Variants in ARHGEF11 observed in about 807,000 individuals in gnomAD.
ARHGEF11 encodes the protein Rho guanine exchange factor (GEF) 11.
In ARHGEF11, 55 loss-of-function variants were observed where a neutral mutation model predicts 193.7. The ratio of observed to expected loss-of-function variants is 0.28; its 90% CI spans 0.23 to 0.36. The LOEUF (loss-of-function observed/expected upper bound fraction) is 0.36. ARHGEF11 is among the 10% of genes least tolerant of loss of function. ARHGEF11 has a pLI of 1.00. For synonymous variants in ARHGEF11, 693 were observed against 768.0 expected, an observed-to-expected ratio of 0.90 and a Z score of 1.62; for missense variants, 1,723 against 2,005.6, an observed-to-expected ratio of 0.86 and a Z score of 2.69.
intron 1 of ARHGEF11, among the ~76,000 whole-genome samples, chr1:157,017,706 CAA>C (rs1047573559): frequency 0.013 from 548 of 41,456 alleles, 1 homozygote; most frequent in African/African-American, 0.042. Context: ...GACTCCGTCT[CAA>C]AAAAAAAAAA....
intron 1 of ARHGEF11, 150 bp from the exon 2 acceptor site, chr1:156,986,323 C>T: frequency 3.3e-6 from 2 of 599,598 alleles, no homozygotes; most frequent in Non-Finnish European, 5.9e-6. Flanking sequence ...AGGACATTAG[C>T]CATGTGTACA....
At chr1:156,988,879 A>C (rs1665312552) in intron 1 of ARHGEF11, among the ~76,000 whole-genome samples, 2 of 152,182 alleles carry the variant, frequency 1.3e-5, no homozygotes, top group Non-Finnish European at 2.9e-5. Context: ...TATGGAAGGC[A>C]GGCCTGGTGG....
Position 156,939,534 on chromosome 1 carries a change from C to G in ARHGEF11, c.4096+14G>C, listed in dbSNP as rs532507970. On this transcript the variant is annotated intron_variant, in intron 37 of 40. Coordinates refer to ENST00000368194, the MANE Select transcript of ARHGEF11 (RefSeq NM_198236.3). ...GGTGCTTGTCTCCCCACTGGACACT[C>G]CCATTTATTTTACCTTTTCTCACAA... 2 of 1,608,124 alleles carry G rather than the reference C, an allele frequency of 1.2e-6. No individual in the cohort carries two copies. The highest frequency in any genetic ancestry group is 3.3e-5 in the Admixed American group (2 of 60,018).
intron 1 of ARHGEF11, among the ~76,000 whole-genome samples, chr1:156,989,830 T>C (rs1004931558): frequency 6.6e-6 from 1 of 152,240 alleles, no homozygotes. Context: ...TTCATTTAGA[T>C]TCAGCAACTA....
In ARHGEF11 at chr1:156,940,351, C is replaced by T; in HGVS notation, c.3589G>A (p.Glu1197Lys). 6.2e-7 allele frequency: 1 copy of T among 1,613,844 alleles called. No homozygotes were observed. Residue 1197 changes from glutamate (E) to lysine (K), a missense_variant, in exon 36 of 41, where the codon GAG (glutamate) becomes AAG (lysine). By Grantham distance (56) the Glu-to-Lys change is moderately conservative (BLOSUM62 1). This residue lies in a region of ARHGEF11 where 203 missense variants were observed against 237.3 expected (regional missense o/e 0.86). Transcript: ENST00000368194. ...LEDPEQEGSA[E>K]EEELGVLPCP... ...GGCAGGACACCCAGTTCCTCTTCCT[C>T]TGCACTGCCCTCCTGCTCAGGGTCC...
chr1:157,035,725 C>T (rs2103041755), intron 1 of ARHGEF11, among the ~76,000 whole-genome samples: 1 of 149,158 alleles, frequency 6.7e-6, no homozygotes, highest in African/African-American at 2.5e-5. Context: ...ACATAGATGG[C>T]CCTCCAGCCC....
At chr1:157,006,002 G>T (rs1442949038) in intron 1 of ARHGEF11, among the ~76,000 whole-genome samples, 1 of 152,190 alleles carries the variant, frequency 6.6e-6, no homozygotes, top group Non-Finnish European at 1.5e-5. Flanking sequence ...ACATGTTTTT[G>T]CATGGGCATG....
chr1:156,937,386 C>T lies in ARHGEF11; in HGVS notation c.4303G>A (p.Glu1435Lys). ...QPDSLPAGQT[E>K]PQPQLQGGND... is the part of the protein sequence containing the mutation. ...CCTCCCTGCAGCTGAGGCTGAGGCT[C>T]TGTCTGCCCTGCAGGGAGGCTGTCA... The change falls in exon 39 of 41, where the codon GAG becomes AAG. Residue 1435 changes from glutamate (E) to lysine (K), a missense_variant. Physicochemically the swap from Glu to Lys is moderately conservative, Grantham distance 56. Transcript: ENST00000368194. The T allele has an allele frequency of 6.2e-7, 1 of 1,605,904 alleles. No homozygotes were observed. The highest frequency in any genetic ancestry group is 1.1e-5 in the South Asian group (1 of 89,336).
In ARHGEF11 at chr1:156,937,050, C is replaced by G. The variant is rs1173586789; in HGVS notation, c.4441-45G>C. On this transcript the variant is annotated intron_variant, in intron 39 of 40. Transcript: ENST00000368194. ...AATGTCTGCTCGAGTCCTTCTATTC[C>G]TAAGGCCCCTGGGGAAGGGGTCTGT... The G allele has an allele frequency of 3.1e-6, 5 of 1,597,308 alleles. No individual in the cohort carries two copies. In the African/African-American group the frequency reaches 6.7e-5, roughly 21 times the overall value.
At chr1:156,962,908 A>AT (rs1661159609) in intron 13 of ARHGEF11, among the ~76,000 whole-genome samples, 2 of 146,034 alleles carry the variant, frequency 1.4e-5, no homozygotes, top group East Asian at 4.2e-4. Context: ...AAAAAAAAAA[A>AT]CTCTAGGAAG....
chr1:157,011,806 T>C (rs1002861121), intron 1 of ARHGEF11, among the ~76,000 whole-genome samples: 2 of 152,170 alleles, frequency 1.3e-5, no homozygotes, highest in African/African-American at 4.8e-5. Flanking sequence ...CTAGGATGAC[T>C]AGAACAAAAG....
Position 156,947,226 on chromosome 1 carries a change from T to C in ARHGEF11, c.2488+78A>G, listed in dbSNP as rs1658309493. 3.9e-6 allele frequency: 6 copies of C among 1,546,642 alleles called. No homozygotes were observed. The South Asian group carries it at 7.6e-5, about 20-fold the overall frequency. On this transcript the variant is annotated intron_variant, in intron 26 of 40. Transcript: ENST00000368194. ...GTGGGAGGTTACCTACTCAGGGAGG[T>C]CCTGGCAGTGGGGCCAAAGTGGAAC...
rs139714399 is a variant in ARHGEF11, at chr1:157,034,477, T to C, written c.32+9822A>G. Among the ~76,000 whole-genome samples the C allele has an allele frequency of 3.5e-4, 53 of 152,320 alleles. 1 individual carries two copies. In the East Asian group the frequency reaches 8.1e-3, roughly 23 times the overall value. ...AAGGCTGCTCTGTCCCTGCAAGAAA[T>C]ACCAAGTACCAAAGACCTAGCACCC... is the stretch of plus-strand genomic sequence containing the variant. On this transcript the variant is annotated intron_variant, in intron 1 of 40. Transcript: ENST00000368194.
At chr1:157,012,400 G>C (rs528193802) in intron 1 of ARHGEF11, among the ~76,000 whole-genome samples, 7 of 152,192 alleles carry the variant, frequency 4.6e-5, no homozygotes, top group African/African-American at 1.7e-4. Flanking sequence ...CTAAAACTAG[G>C]ATGTGATAAT....
chr1:156,958,724 G>A lies in ARHGEF11; in HGVS notation c.1502+18C>T, dbSNP rs2102112324. The stretch of plus-strand genomic sequence containing the variant: ...GCTTAGGATGTTCAGTGGGGTGGGA[G>A]GAAGCTGAAAGACTCACAAAATATC... On this transcript the variant is annotated intron_variant, in intron 17 of 40. Transcript: ENST00000368194. 1.9e-6 allele frequency: 3 copies of A among 1,614,110 alleles called. No individual in the cohort carries two copies. Among genetic ancestry groups the A allele is most frequent in the South Asian group, 2.2e-5 (2 of 91,060 alleles).
Position 156,955,721 on chromosome 1 carries a change from T to A in ARHGEF11, c.1750A>T (p.Lys584Ter), listed in dbSNP as rs1009574492. 1 of 1,613,920 alleles carries A rather than the reference T, an allele frequency of 6.2e-7. No individual in the cohort carries two copies. Among genetic ancestry groups the A allele is most frequent in the Middle Eastern group, 1.6e-4 (1 of 6,082 alleles). Residue 584 changes from lysine to a stop codon, truncating the protein, a stop_gained, in exon 20 of 41, where the codon AAA becomes TAA. Coordinates refer to ENST00000368194, the MANE Select transcript of ARHGEF11 (RefSeq NM_198236.3). LOFTEE classifies it high-confidence loss of function. ...NPILKYIGKP[K>*]SSSQSTFHIP... ...TACTCACTGCTTTGAGAAGAGCTTT[T>A]GGGCTTCCCAATGTATTTGAGGATA...
chr1:156,976,961 C>T (rs371627831), intron 7 of ARHGEF11, 22 bp downstream of exon 7: 1 of 1,607,276 alleles, frequency 6.2e-7, no homozygotes, highest in Non-Finnish European at 8.5e-7. Context: ...AATGGCCAGT[C>T]TACCCTTGGC....
chr1:157,008,621 T>C (rs1163481947), intron 1 of ARHGEF11, among the ~76,000 whole-genome samples: 1 of 152,224 alleles, frequency 6.6e-6, no homozygotes, highest in Non-Finnish European at 1.5e-5. Flanking sequence ...CAGACTTTAA[T>C]TGGATTTTCC....
intron 1 of ARHGEF11, among the ~76,000 whole-genome samples, chr1:156,995,227 G>A (rs1349243681): frequency 6.6e-6 from 1 of 152,188 alleles, no homozygotes; most frequent in Non-Finnish European, 1.5e-5. Flanking sequence ...AGAAATTAGA[G>A]GATATACACC....
Sources: gnomAD v4.1 joint callset for allele counts (sites outside exome capture counted in the v4.1 genomes callset) on GRCh38, gnomAD v4.1.1 for gene constraint, gnomAD v4.1.1 regional missense constraint, MANE v1.5 for transcripts, NCBI Gene and HGNC (gene_info 2026-07-23, HGNC 2026-07-21) for gene names.